ZBTB24: variants seen among roughly 807,000 people sequenced by gnomAD.
The protein encoded by ZBTB24 is zinc finger and BTB domain containing 24.
In ZBTB24, 32 loss-of-function variants were observed where a neutral mutation model predicts 53.8. The ratio of observed to expected loss-of-function variants is 0.60; its 90% CI spans 0.45 to 0.80. ZBTB24 has a LOEUF of 0.80. Ranked by LOEUF, ZBTB24 falls within the 30% of genes least tolerant of loss-of-function variation. ZBTB24 has a pLI of 0.00. For missense variants in ZBTB24, 722 were observed against 837.1 expected, an observed-to-expected ratio of 0.86 and a Z score of 1.70; for synonymous variants, 297 against 306.7, an observed-to-expected ratio of 0.97 and a Z score of 0.33.
chr6:109,481,048 T>C (rs763192716), intron 2 of ZBTB24, 27 bp downstream of exon 2: 4 of 1,610,962 alleles, frequency 2.5e-6, no homozygotes, highest in Non-Finnish European at 3.4e-6. Flanking sequence ...TGCAACACAC[T>C]GCAATCAGCT....
rs773260577 is a variant in ZBTB24, at chr6:109,476,800, G to C, written c.1083C>G (p.Thr361=). 6.2e-7 allele frequency: 1 copy of C among 1,613,914 alleles called. No homozygotes were observed. Among genetic ancestry groups the C allele is most frequent in the Non-Finnish European group, 8.5e-7 (1 of 1,179,978 alleles). The part of the protein sequence containing the change: ...TCTVCSKALT[T]KHSLLEHMSL... ...TCATGTGCTCCAGCAGTGAGTGCTT[G>C]GTGGTCAGAGCCTTGCTGCACACGG... Residue 361 remains threonine (T), a synonymous_variant, in exon 3 of 7, where the codon ACC becomes ACG. Transcript: ENST00000230122.
At chr6:109,468,764 C>T (rs1027901123) in intron 5 of ZBTB24, among the ~76,000 whole-genome samples, 1 of 152,108 alleles carries the variant, frequency 6.6e-6, no homozygotes, top group Non-Finnish European at 1.5e-5. Context: ...ATGGGAGTGG[C>T]ACACCTGAGA....
chr6:109,477,299 C>A (rs1166196547), intron 2 of ZBTB24, among the ~76,000 whole-genome samples: 1 of 152,184 alleles, frequency 6.6e-6, no homozygotes, highest in African/African-American at 2.4e-5. Context: ...CCACTACACC[C>A]AGCTAATTTT....
intron 2 of ZBTB24, among the ~76,000 whole-genome samples, chr6:109,479,473 G>A (rs1264382037): frequency 2.6e-5 from 4 of 152,214 alleles, no homozygotes; most frequent in African/African-American, 4.8e-5. Context: ...TGTTGAACAT[G>A]TACTGCTTTC....
intron 2 of ZBTB24, among the ~76,000 whole-genome samples, chr6:109,477,711 A>T (rs1238422645): frequency 6.6e-6 from 1 of 152,214 alleles, no homozygotes; most frequent in Admixed American, 6.5e-5. Flanking sequence ...GGATCACCAC[A>T]GGGAGAGTAA....
chr6:109,469,555 TTCCCCTGTGCACA>T (rs1453405571), intron 5 of ZBTB24, among the ~76,000 whole-genome samples: 2 of 152,208 alleles, frequency 1.3e-5, no homozygotes, highest in African/African-American at 4.8e-5. Flanking sequence ...TTCTGATCTG[TTCCCCTGTGCACA>T]GCTCTACCAC....
Position 109,481,659 on chromosome 6 carries a change from T to C in ZBTB24, c.368A>G (p.Lys123Arg), listed in dbSNP as rs564355089. The C allele has an allele frequency of 1.2e-6, 2 of 1,614,234 alleles. No individual in the cohort carries two copies. The highest frequency in any genetic ancestry group is 4.5e-5 in the East Asian group (2 of 44,890). ...AQFLKVYDLV[K>R]AYTDFQNNHS... The stretch of plus-strand genomic sequence containing the variant: ...ATTATTTTGGAAGTCTGTGTAAGCC[T>C]TTACCAGGTCATAGACTTTTAAGAA... The change falls in exon 2 of 7, where the codon AAG becomes AGG. Residue 123 changes from lysine (K) to arginine (R), a missense_variant. Physicochemically the swap from Lys to Arg is conservative, Grantham distance 26 (BLOSUM62 2). Transcript: ENST00000230122.
In ZBTB24 at chr6:109,481,633, G is replaced by A; in HGVS notation, c.394C>T (p.His132Tyr). ...AAAGTTGTTGGCTTTGGGGAGCTAT[G>A]ATTATTTTGGAAGTCTGTGTAAGCC... is the stretch of plus-strand genomic sequence containing the variant. ...VKAYTDFQNNHSSPKPTTLNT... is the reference protein window; with the variant it reads ...VKAYTDFQNNYSSPKPTTLNT... The change falls in exon 2 of 7, where the codon CAT becomes TAT. Residue 132 changes from histidine to tyrosine, a missense_variant. His to Tyr is a moderately conservative substitution (Grantham distance 83, BLOSUM62 2). Transcript: ENST00000230122. 6.2e-7 allele frequency: 1 copy of A among 1,614,208 alleles called. No homozygotes were observed. The highest frequency in any genetic ancestry group is 8.5e-7 in the Non-Finnish European group (1 of 1,180,040).
intron 5 of ZBTB24, 66 bp downstream of exon 5, chr6:109,475,333 A>G: frequency 6.3e-7 from 1 of 1,580,950 alleles, no homozygotes; most frequent in East Asian, 2.2e-5. Flanking sequence ...GCACTCAGAG[A>G]ACTTCATTCT....
rs1408251847 is a variant in ZBTB24 at position 109,466,394 on chromosome 6, A to C, written c.1551T>G (p.His517Gln). ...AHLKIHSKEK[H>Q]ASDASSISGS... ...CAGAAATGCTGCTGGCATCTGAAGC[A>C]TGCTTCTCCTTGCTATGAATTTTCA... Residue 517 changes from histidine to glutamine, a missense_variant, in exon 7 of 7, where the codon CAT becomes CAG. Coordinates refer to ENST00000230122, the MANE Select transcript of ZBTB24 (RefSeq NM_014797.3). 1 of 1,614,072 alleles carries C rather than the reference A, an allele frequency of 6.2e-7. No homozygotes were observed. Among genetic ancestry groups the C allele is most frequent in the Non-Finnish European group, 8.5e-7 (1 of 1,180,046 alleles).
Position 109,481,922 on chromosome 6 carries a change from G to A in ZBTB24, c.105C>T (p.Phe35=), listed in dbSNP as rs1195012261. The A allele has an allele frequency of 2.5e-6, 4 of 1,614,082 alleles. No homozygotes were observed. The highest frequency in any genetic ancestry group is 2.7e-5 in the African/African-American group (2 of 74,940). The change falls in exon 2 of 7, where the codon TTC becomes TTT. Residue 35 remains phenylalanine, a synonymous_variant. Coordinates refer to ENST00000230122, the MANE Select transcript of ZBTB24 (RefSeq NM_014797.3). ...ASFEDQRKKG[F]LCDITLIVEN... ...CCACGATTAAAGTAATGTCACAGAG[G>A]AAGCCTTTCTTCCTCTGATCCTCAA...
In ZBTB24 at chr6:109,465,759, A is replaced by G; in HGVS notation, c.*92T>C. On this transcript the variant is annotated 3_prime_UTR_variant, in exon 7 of 7. Coordinates refer to ENST00000230122, the MANE Select transcript of ZBTB24 (RefSeq NM_014797.3). ...CTCTCACAGAAGCATCTGCAAGTCA[A>G]TGGTGTGGAGAGCCTGATTTCAAGC... 6.2e-7 allele frequency: 1 copy of G among 1,613,122 alleles called. No homozygotes were observed. The highest frequency in any genetic ancestry group is 8.5e-7 in the Non-Finnish European group (1 of 1,179,822).
intron 3 of ZBTB24, 146 bp downstream of exon 3, chr6:109,476,617 C>T (rs978575109): frequency 1.7e-6 from 2 of 1,162,600 alleles, no homozygotes; most frequent in African/African-American, 3.0e-5. Context: ...CTCTAAACTG[C>T]ACTCAGACAG....
At chr6:109,482,855 T>A (rs531730743) in intron 1 of ZBTB24, among the ~76,000 whole-genome samples, 9 of 152,290 alleles carry the variant, frequency 5.9e-5, no homozygotes, top group Admixed American at 2.0e-4. Flanking sequence ...AAAGTGAATG[T>A]GAGGTAGCTG....
intron 5 of ZBTB24, among the ~76,000 whole-genome samples, chr6:109,472,391 G>C (rs1776185535): frequency 6.6e-6 from 1 of 152,086 alleles, no homozygotes; most frequent in South Asian, 2.1e-4. Flanking sequence ...TCTCAAAGTT[G>C]ACAGGCTGAG....
chr6:109,464,194 C>T lies in ZBTB24; in HGVS notation c.*1657G>A, dbSNP rs1315989046. ...TTTGCTCTAGTCAGGCCTGATTTAACATTAGTTTGGTTGATACATATAAGA... is the reference window on the plus strand; with the variant it reads ...TTTGCTCTAGTCAGGCCTGATTTAATATTAGTTTGGTTGATACATATAAGA... On this transcript the variant is annotated 3_prime_UTR_variant, in exon 7 of 7. Transcript: ENST00000230122. 1 of 152,136 alleles carries T rather than the reference C, an allele frequency of 6.6e-6. No homozygotes were observed. Among genetic ancestry groups the T allele is most frequent in the African/African-American group, 2.4e-5 (1 of 41,432 alleles). The allele number at this position is 152,136 out of a possible 1,614,324, so 9.4% of individuals were successfully genotyped here. A position where few individuals can be genotyped will look rare whatever the true frequency, so the allele number is the denominator to read the frequency against.
chr6:109,469,025 G>A (rs1776112558), intron 5 of ZBTB24, among the ~76,000 whole-genome samples: 1 of 151,942 alleles, frequency 6.6e-6, no homozygotes, highest in African/African-American at 2.4e-5. Context: ...AAGATGGTCA[G>A]TGAGCTTCCC....
At chr6:109,467,123 C>T (rs991952794) in intron 6 of ZBTB24, among the ~76,000 whole-genome samples, 2 of 152,150 alleles carry the variant, frequency 1.3e-5, no homozygotes, top group Non-Finnish European at 2.9e-5. Context: ...TGGACCAATC[C>T]GTAGCCCCAA....
chr6:109,478,816 A>T (rs1346794403), intron 2 of ZBTB24, among the ~76,000 whole-genome samples: 2 of 131,640 alleles, frequency 1.5e-5, no homozygotes, highest in African/African-American at 8.1e-5. Flanking sequence ...TAATAGTGAC[A>T]GACAAACAAG....
Sources: allele counts gnomAD v4.1 joint callset (sites outside exome capture counted in the v4.1 genomes callset), GRCh38; gene constraint gnomAD v4.1.1; transcripts MANE v1.5; gene names NCBI Gene and HGNC (gene_info 2026-07-23, HGNC 2026-07-21).